The following BTBD9 variants were observed in gnomAD, a reference collection of about 807,000 sequenced individuals.
The protein encoded by BTBD9 is BTB/POZ domain-containing protein 9.
A neutral mutation model predicts 64.3 loss-of-function variants in BTBD9; 49 were observed. The ratio of observed to expected loss-of-function variants is 0.76; its 90% confidence interval spans 0.61 to 0.97. The LOEUF is 0.97. Among genes scored for constraint, BTBD9 ranks in the 50% least tolerant of loss-of-function variants. BTBD9 has a pLI of 0.00. For missense variants in BTBD9, 598 were observed against 762.1 expected (o/e 0.78, Z 2.53); for synonymous variants, 260 against 274.7 (o/e 0.95, Z 0.53).
At chr6:38,558,089 A>G (rs1775106258) in intron 6 of BTBD9, among the ~76,000 whole-genome samples, 1 of 152,110 alleles carries the variant, frequency 6.6e-6, no homozygotes, top group Non-Finnish European at 1.5e-5. Flanking sequence ...GTAAGACCCT[A>G]TATCTAGAAA....
At chr6:38,469,572 G>A (rs533802212) in intron 6 of BTBD9, among the ~76,000 whole-genome samples, 110 of 152,032 alleles carry the variant, frequency 7.2e-4, no homozygotes, top group Non-Finnish European at 1.2e-3. Context: ...CGCCCATCTC[G>A]GCCTCCAAAG....
At chr6:38,630,515 GGA>G (rs972791135) in intron 1 of BTBD9, among the ~76,000 whole-genome samples, 3 of 152,176 alleles carry the variant, frequency 2.0e-5, no homozygotes, top group African/African-American at 7.2e-5. Context: ...TGGGGCAAAA[GGA>G]GAGAGAGAAG....
chr6:38,207,119 A>G (rs529527397), intron 9 of BTBD9, among the ~76,000 whole-genome samples: 7 of 152,218 alleles, frequency 4.6e-5, no homozygotes, highest in East Asian at 1.9e-4. Flanking sequence ...CAAGAGAGCC[A>G]CCTAAATGCT....
At chr6:38,372,149 C>T (rs995355054) in intron 6 of BTBD9, among the ~76,000 whole-genome samples, 1 of 152,172 alleles carries the variant, frequency 6.6e-6, no homozygotes, top group Non-Finnish European at 1.5e-5. Flanking sequence ...ACAATGAAAC[C>T]AATGTCTTTG....
In BTBD9 at chr6:38,192,545, C is replaced by T. The variant is rs1442572403; in HGVS notation, c.1615G>A (p.Val539Ile). 42 of 1,613,892 alleles carry T rather than the reference C, an allele frequency of 2.6e-5. No homozygotes were observed. Among genetic ancestry groups the T allele is most frequent in the East Asian group, 2.0e-4 (9 of 44,856 alleles). The change falls in exon 10 of 11, where the codon GTT becomes ATT. Residue 539 changes from valine (V) to isoleucine (I), a missense_variant. Coordinates refer to ENST00000481247, the MANE Select transcript of BTBD9 (RefSeq NM_001099272.2). ...TCATTTGCTGTGTTGTGTGTCCCAA[C>T]GATACGGATGAAGGAGGCAGGCTGC... ...ERQPASFIRI[V>I]GTHNTANEVF... is the part of the protein sequence containing the mutation.
chr6:38,435,620 C>CTCCCTT (rs1187963478), intron 6 of BTBD9, among the ~76,000 whole-genome samples: 1 of 6,454 alleles, frequency 1.5e-4, no homozygotes, highest in African/African-American at 5.0e-4. Context: ...CCTTCCCTCC[C>CTCCCTT]CCTCCCTCCC....
At position 38,422,060 on chromosome 6, in the gene BTBD9, G is replaced by A. The variant is rs145255529; in HGVS notation, c.1155-76967C>T. On this transcript the variant is annotated intron_variant, in intron 6 of 10. Transcript: ENST00000481247. The stretch of plus-strand genomic sequence containing the variant: ...CCTTCAAATGCAATTGTAAACCTCC[G>A]TACAAAGTTAATTTTCTAAACCAGG... Among the ~76,000 whole-genome samples, 79 of 152,176 alleles carry A rather than the reference G, an allele frequency of 5.2e-4. No individual in the cohort carries two copies. The East Asian group carries it at 0.013, about 25-fold the overall frequency.
intron 6 of BTBD9, among the ~76,000 whole-genome samples, chr6:38,525,884 G>A (rs1773463965): frequency 6.6e-6 from 1 of 152,160 alleles, no homozygotes; most frequent in African/African-American, 2.4e-5. Context: ...TCTGAAACTG[G>A]AACTAATATT....
chr6:38,183,220 G>A (rs1761651983), intron 10 of BTBD9, among the ~76,000 whole-genome samples: 1 of 152,160 alleles, frequency 6.6e-6, no homozygotes, highest in Non-Finnish European at 1.5e-5. Flanking sequence ...CTCGTGATCT[G>A]CCCGCCTCGG....
intron 6 of BTBD9, among the ~76,000 whole-genome samples, chr6:38,466,434 G>A (rs1358479135): frequency 6.6e-6 from 1 of 151,626 alleles, no homozygotes; most frequent in African/African-American, 2.4e-5. Flanking sequence ...TGAGACTATA[G>A]GCATGTATCA....
intron 6 of BTBD9, among the ~76,000 whole-genome samples, chr6:38,426,540 T>G (rs963272156): frequency 6.6e-6 from 1 of 151,930 alleles, no homozygotes; most frequent in African/African-American, 2.4e-5. Context: ...ACTGCTGTTT[T>G]GCCGCCGTCG....
chr6:38,587,255 T>G, intron 4 of BTBD9: 1 of 299,702 alleles, frequency 3.3e-6, no homozygotes, highest in Non-Finnish European at 6.6e-6. Flanking sequence ...TGTGGAGAGG[T>G]GGCGGTGGTG....
intron 7 of BTBD9, among the ~76,000 whole-genome samples, chr6:38,295,823 C>T (rs534835055): frequency 4.6e-5 from 7 of 152,086 alleles, no homozygotes; most frequent in South Asian, 4.2e-4. Context: ...CGGAGGCAGG[C>T]GGAGCACTTG....
intron 9 of BTBD9, among the ~76,000 whole-genome samples, chr6:38,206,089 C>T (rs908640254): frequency 3.9e-5 from 6 of 151,958 alleles, no homozygotes; most frequent in African/African-American, 1.4e-4. Context: ...GAAAGAGAAA[C>T]TAATTGACCA....
intron 7 of BTBD9, among the ~76,000 whole-genome samples, chr6:38,330,524 A>G (rs1314364759): frequency 6.6e-6 from 1 of 152,158 alleles, no homozygotes; most frequent in African/African-American, 2.4e-5. Flanking sequence ...TCGTCTCATA[A>G]AAAATAAAAT....
At chr6:38,311,433 G>A (rs919037713) in intron 7 of BTBD9, among the ~76,000 whole-genome samples, 7 of 152,142 alleles carry the variant, frequency 4.6e-5, no homozygotes, top group Admixed American at 1.3e-4. Context: ...GGCTGAATAA[G>A]TGCTCCATTG....
chr6:38,292,909 T>C (rs180961840), intron 7 of BTBD9, among the ~76,000 whole-genome samples: 3 of 152,304 alleles, frequency 2.0e-5, no homozygotes, highest in Non-Finnish European at 2.9e-5. Context: ...AATTGTGATG[T>C]TAGGGTGTCG....
intron 6 of BTBD9, among the ~76,000 whole-genome samples, chr6:38,384,870 T>C (rs4714153): frequency 0.37 from 55,646 of 151,622 alleles, 12,370 homozygotes; most frequent in East Asian, 0.84. Flanking sequence ...AATAACAACA[T>C]GGGGAAAGCA....
intron 1 of BTBD9, among the ~76,000 whole-genome samples, chr6:38,622,462 C>T (rs777245626): frequency 6.6e-6 from 1 of 152,172 alleles, no homozygotes; most frequent in African/African-American, 2.4e-5. Context: ...GCCACAGTAA[C>T]TTAGGGAATT....
Sources: allele counts gnomAD v4.1 joint callset (sites outside exome capture counted in the v4.1 genomes callset), GRCh38; gene constraint gnomAD v4.1.1; transcripts MANE v1.5; gene names NCBI Gene and HGNC (gene_info 2026-07-23, HGNC 2026-07-21).